The following CCDC60 variants were observed in gnomAD, a reference collection of about 807,000 sequenced individuals.
CCDC60 encodes the protein coiled-coil domain containing 60, also known as coiled-coil domain-containing protein 60.
A neutral mutation model predicts 63.5 loss-of-function variants in CCDC60; 54 were observed. The observed-to-expected ratio is 0.85, with a 90% CI of 0.68 to 1.07. CCDC60 has a LOEUF of 1.07. Ranked by LOEUF, CCDC60 falls within the 50% of genes least tolerant of loss-of-function variation. CCDC60 has a pLI of 0.00. For missense variants in CCDC60, 651 were observed against 684.3 expected, an observed-to-expected ratio of 0.95 and a Z score of 0.54; for synonymous variants, 206 against 238.8, an observed-to-expected ratio of 0.86 and a Z score of 1.27.
At chr12:119,491,382 A>G (rs1221812389) in intron 5 of CCDC60, among the ~76,000 whole-genome samples, 1 of 152,096 alleles carries the variant, frequency 6.6e-6, no homozygotes, top group Non-Finnish European at 1.5e-5. Flanking sequence ...AGGCTGGAGT[A>G]CAATGGCGCG....
chr12:119,335,650 G>GT lies in CCDC60; in HGVS notation c.90+391dup, dbSNP rs553447162. Among the ~76,000 whole-genome samples, 175 of 151,706 alleles carry GT rather than the reference G, an allele frequency of 1.2e-3. 1 individual carries two copies. The highest frequency in any genetic ancestry group is 6.8e-3 in the Middle Eastern group (2 of 294). The stretch of plus-strand genomic sequence containing the variant: ...TGCCCACTTTTTGATGGGGTTGTTT[G>GT]TTTTTTTCTTGTAAATTTGTTTAAG... On this transcript the variant is annotated intron_variant, in intron 1 of 13. Coordinates refer to ENST00000327554, the MANE Select transcript of CCDC60 (RefSeq NM_178499.5).
chr12:119,449,225 C>G (rs1950590350), intron 2 of CCDC60, among the ~76,000 whole-genome samples: 1 of 152,152 alleles, frequency 6.6e-6, no homozygotes, highest in Non-Finnish European at 1.5e-5. Flanking sequence ...TATTAAATGC[C>G]AGATCTGCCT....
At chr12:119,368,084 GAGGGGGAGGAGGAGGGA>G (rs530779904) in intron 1 of CCDC60, among the ~76,000 whole-genome samples, 11 of 150,274 alleles carry the variant, frequency 7.3e-5, no homozygotes, top group African/African-American at 2.7e-4. Flanking sequence ...GAAGAAGGAG[GAGGGGGAGGAGGAGGGA>G]AGGGGGAGGA....
rs1227912792 is a variant in CCDC60 at position 119,528,704 on chromosome 12, T to A, written c.1319T>A (p.Ile440Lys). The A allele has an allele frequency of 6.2e-7, 1 of 1,614,090 alleles. No individual in the cohort carries two copies. The highest frequency in any genetic ancestry group is 8.5e-7 in the Non-Finnish European group (1 of 1,179,972). ...QKDIAKMRHH[I>K]SVVKGDAEEI... The stretch of plus-strand genomic sequence containing the variant: ...GACATAGCAAAAATGAGACATCACA[T>A]ATCTGTAGTAAAAGGAGATGCAGAA... Residue 440 changes from isoleucine (I) to lysine (K), a missense_variant, in exon 12 of 14, where the codon ATA becomes AAA. Transcript: ENST00000327554.
chr12:119,524,921 C>T (rs1337620553), intron 11 of CCDC60, among the ~76,000 whole-genome samples: 1 of 151,774 alleles, frequency 6.6e-6, no homozygotes, highest in South Asian at 2.1e-4. Context: ...TCACCTTGGC[C>T]TCCCAAAATG....
At chr12:119,346,074 C>T (rs1955590082) in intron 1 of CCDC60, among the ~76,000 whole-genome samples, 1 of 151,210 alleles carries the variant, frequency 6.6e-6, no homozygotes, top group Non-Finnish European at 1.5e-5. Context: ...ATCTACCCAC[C>T]TCGGCCTCCC....
At chr12:119,402,753 A>G (rs1183895985) in intron 1 of CCDC60, among the ~76,000 whole-genome samples, 1 of 152,166 alleles carries the variant, frequency 6.6e-6, no homozygotes, top group African/African-American at 2.4e-5. Context: ...GATCTCTGAT[A>G]ATTTTTAAAT....
At chr12:119,539,704 T>C (rs1031933897) in intron 13 of CCDC60, among the ~76,000 whole-genome samples, 1 of 152,182 alleles carries the variant, frequency 6.6e-6, no homozygotes, top group Admixed American at 6.5e-5. Flanking sequence ...TGTCTCTCAC[T>C]GGCATTCCAG....
At chr12:119,357,231 A>G (rs974179705) in intron 1 of CCDC60, among the ~76,000 whole-genome samples, 1 of 152,178 alleles carries the variant, frequency 6.6e-6, no homozygotes, top group African/African-American at 2.4e-5. Context: ...ACCATTTATC[A>G]TTTCTGTTTT....
At chr12:119,353,598 C>CTTTTTTTTT (rs71072514) in intron 1 of CCDC60, among the ~76,000 whole-genome samples, 45 of 68,252 alleles carry the variant, frequency 6.6e-4, no homozygotes, top group African/African-American at 9.1e-4. Flanking sequence ...TCTTCTTCTT[C>CTTTTTTTTT]TTTTTTTTTT....
chr12:119,471,972 C>T, intron 2 of CCDC60, 22 bp from the exon 3 acceptor site: 2 of 1,608,162 alleles, frequency 1.2e-6, no homozygotes, highest in Non-Finnish European at 1.7e-6. Context: ...CTCTCTCCCT[C>T]TTCCTCCCTG....
chr12:119,479,283 G>A, intron 4 of CCDC60, 82 bp downstream of exon 4: 1 of 899,800 alleles, frequency 1.1e-6, no homozygotes, highest in Non-Finnish European at 1.8e-6. Context: ...GAGCTGTCAT[G>A]TCAGTAGCTG....
At chr12:119,429,599 C>T (rs1956960714) in intron 2 of CCDC60, 1 of 152,242 alleles carries the variant, frequency 6.6e-6, no homozygotes, top group African/African-American at 2.4e-5. Flanking sequence ...CAAAGTGAGA[C>T]ACCCTCTCCC....
At chr12:119,537,042 G>A (rs539764665) in intron 13 of CCDC60, among the ~76,000 whole-genome samples, 1 of 152,218 alleles carries the variant, frequency 6.6e-6, no homozygotes, top group Non-Finnish European at 1.5e-5. Flanking sequence ...TCACTTTCAG[G>A]TACACCAATC....
chr12:119,532,567 C>G (rs1174660261), intron 13 of CCDC60, among the ~76,000 whole-genome samples: 3 of 151,994 alleles, frequency 2.0e-5, no homozygotes, highest in Non-Finnish European at 4.4e-5. Context: ...CTATCCCTCC[C>G]CTAGACCCCC....
intron 2 of CCDC60, among the ~76,000 whole-genome samples, chr12:119,441,325 G>A (rs1028121526): frequency 1.3e-5 from 2 of 152,138 alleles, no homozygotes; most frequent in African/African-American, 4.8e-5. Flanking sequence ...AGGCTTGCAC[G>A]GTAAAGCACC....
chr12:119,449,403 AT>A (rs372026657), intron 2 of CCDC60, among the ~76,000 whole-genome samples: 199 of 152,268 alleles, frequency 1.3e-3, no homozygotes, highest in African/African-American at 4.6e-3. Flanking sequence ...CTGGAAAAAA[AT>A]ATATATATTT....
At chr12:119,533,262 GTTGT>G (rs570176969) in intron 13 of CCDC60, among the ~76,000 whole-genome samples, 45 of 152,020 alleles carry the variant, frequency 3.0e-4, no homozygotes, top group African/African-American at 9.4e-4. Flanking sequence ...TTTTGATGGC[GTTGT>G]TTATTTTTTT....
intron 2 of CCDC60, among the ~76,000 whole-genome samples, chr12:119,435,544 G>A (rs908907373): frequency 6.6e-6 from 1 of 152,102 alleles, no homozygotes; most frequent in African/African-American, 2.4e-5. Flanking sequence ...AAATCCCCAG[G>A]GTCTAGCTCA....
Sources: gnomAD v4.1 joint callset for allele counts (sites outside exome capture counted in the v4.1 genomes callset) on GRCh38, gnomAD v4.1.1 for gene constraint, MANE v1.5 for transcripts, NCBI Gene and HGNC (gene_info 2026-07-23, HGNC 2026-07-21) for gene names.